MGAT4C: variants seen among roughly 807,000 people sequenced by gnomAD.
MGAT4C encodes the protein MGAT4 family member C.
In MGAT4C, 19 loss-of-function variants were observed where a neutral mutation model predicts 40.1. The ratio of observed to expected loss-of-function variants is 0.47; its 90% CI spans 0.33 to 0.70. MGAT4C has a LOEUF of 0.70. Ranked by LOEUF, MGAT4C falls within the 30% of genes least tolerant of loss-of-function variation. The pLI is 0.02. For synonymous variants in MGAT4C, 181 were observed against 187.1 expected, an observed-to-expected ratio of 0.97 and a Z score of 0.27; for missense variants, 491 against 563.2, an observed-to-expected ratio of 0.87 and a Z score of 1.30.
chr12:86,221,261 A>G (rs1950867085), intron 1 of MGAT4C, among the ~76,000 whole-genome samples: 1 of 152,106 alleles, frequency 6.6e-6, no homozygotes, highest in South Asian at 2.1e-4. Flanking sequence ...CCTGATAACT[A>G]TCGTAATAGT....
At chr12:86,551,733 A>C (rs370859467) in intron 2 of MGAT4C, among the ~76,000 whole-genome samples, 4 of 152,284 alleles carry the variant, frequency 2.6e-5, no homozygotes, top group South Asian at 2.1e-4. Context: ...CCAACCTGAG[A>C]AACAGCCTAA....
intron 1 of MGAT4C, among the ~76,000 whole-genome samples, chr12:86,060,371 T>C (rs1023559957): frequency 2.6e-5 from 4 of 152,224 alleles, no homozygotes; most frequent in Non-Finnish European, 5.9e-5. Context: ...AGGAAAAGAA[T>C]GGCTTCCACA....
chr12:86,819,949 C>CAA (rs1298720469), intron 1 of MGAT4C, among the ~76,000 whole-genome samples: 2 of 150,428 alleles, frequency 1.3e-5, no homozygotes, highest in African/African-American at 4.8e-5. Flanking sequence ...AGTAAACAAA[C>CAA]AAAAAACATT....
At chr12:86,325,904 T>C (rs1188356544) in intron 4 of MGAT4C, among the ~76,000 whole-genome samples, 2 of 152,084 alleles carry the variant, frequency 1.3e-5, no homozygotes, top group South Asian at 4.1e-4. Context: ...ATAATAATGC[T>C]TGACACAGGG....
intron 1 of MGAT4C, among the ~76,000 whole-genome samples, chr12:86,820,272 T>C (rs1481597411): frequency 6.6e-6 from 1 of 150,868 alleles, no homozygotes; most frequent in Non-Finnish European, 1.5e-5. Context: ...GGTTATTTCT[T>C]ACTTGTTGTA....
intron 1 of MGAT4C, among the ~76,000 whole-genome samples, chr12:86,766,076 T>C (rs904172749): frequency 2.4e-4 from 37 of 152,148 alleles, no homozygotes; most frequent in African/African-American, 8.9e-4. Flanking sequence ...GACTGGCAAA[T>C]TGGATAAAGA....
intron 1 of MGAT4C, among the ~76,000 whole-genome samples, chr12:86,243,955 G>T (rs1951907913): frequency 6.6e-6 from 1 of 152,180 alleles, no homozygotes; most frequent in Non-Finnish European, 1.5e-5. Context: ...GAAGAGTCCA[G>T]GAGGAGAAAA....
intron 2 of MGAT4C, among the ~76,000 whole-genome samples, chr12:86,679,617 A>G (rs938262716): frequency 1.3e-5 from 2 of 152,122 alleles, no homozygotes; most frequent in African/African-American, 4.8e-5. Flanking sequence ...TGATTAAGTC[A>G]TGAGCAGAGC....
At chr12:86,268,882 A>G (rs1952861813) in intron 4 of MGAT4C, among the ~76,000 whole-genome samples, 1 of 144,832 alleles carries the variant, frequency 6.9e-6, no homozygotes, top group Admixed American at 6.9e-5. Context: ...AAAATAAAAA[A>G]GAAAGGGTGT....
intron 2 of MGAT4C, among the ~76,000 whole-genome samples, chr12:86,484,929 G>A (rs1188369673): frequency 6.6e-6 from 1 of 152,072 alleles, no homozygotes; most frequent in East Asian, 1.9e-4. Context: ...CTGATTTAGA[G>A]GCTATCTTCT....
chr12:86,063,129 G>T (rs898419841), intron 1 of MGAT4C, among the ~76,000 whole-genome samples: 1 of 152,124 alleles, frequency 6.6e-6, no homozygotes, highest in Non-Finnish European at 1.5e-5. Flanking sequence ...CAGAGAGAAA[G>T]GTCGGGTTAC....
chr12:86,571,635 ATGTG>A (rs1055488992), intron 2 of MGAT4C, among the ~76,000 whole-genome samples: 2 of 152,058 alleles, frequency 1.3e-5, no homozygotes, highest in Admixed American at 6.6e-5. Context: ...GCACGTGCAT[ATGTG>A]TGTATTTATA....
intron 2 of MGAT4C, among the ~76,000 whole-genome samples, chr12:86,704,164 A>G (rs78086334): frequency 0.044 from 6,697 of 152,224 alleles, 206 homozygotes; most frequent in African/African-American, 0.092. Context: ...TTACTTTTTA[A>G]AGAATGTATG....
intron 1 of MGAT4C, among the ~76,000 whole-genome samples, chr12:86,061,510 G>T (rs994979306): frequency 2.7e-5 from 4 of 150,418 alleles, no homozygotes; most frequent in Non-Finnish European, 5.9e-5. Flanking sequence ...TGCCTGCAAC[G>T]CAAGCTAGAA....
intron 2 of MGAT4C, among the ~76,000 whole-genome samples, chr12:86,624,388 A>C (rs1962734914): frequency 6.6e-6 from 1 of 152,188 alleles, no homozygotes; most frequent in South Asian, 2.1e-4. Context: ...TTAAGGCAGA[A>C]TTGTAAACTG....
intron 2 of MGAT4C, among the ~76,000 whole-genome samples, chr12:86,550,296 T>G (rs1039278225): frequency 6.6e-6 from 1 of 152,184 alleles, no homozygotes; most frequent in Non-Finnish European, 1.5e-5. Context: ...AATGGACTAA[T>G]ACACAGAGGA....
At chr12:86,553,443 C>T (rs191222743) in intron 2 of MGAT4C, among the ~76,000 whole-genome samples, 1 of 122,768 alleles carries the variant, frequency 8.1e-6, no homozygotes, top group East Asian at 2.6e-4. Flanking sequence ...TAAGTTTACC[C>T]TAGACTTTTA....
chr12:86,544,521 T>C (rs1002834748), intron 2 of MGAT4C, among the ~76,000 whole-genome samples: 4 of 152,168 alleles, frequency 2.6e-5, no homozygotes, highest in Non-Finnish European at 5.9e-5. Flanking sequence ...CACTCCAACC[T>C]CAAAGGAATT....
chr12:86,587,741 T>C lies in MGAT4C; in HGVS notation c.-229+139468A>G, dbSNP rs180764354. Among the ~76,000 whole-genome samples, 835 of 151,436 alleles carry C rather than the reference T, an allele frequency of 5.5e-3. 2 individuals are homozygous for C. Among genetic ancestry groups the C allele is most frequent in the Non-Finnish European group, 8.7e-3 (589 of 67,764 alleles). On this transcript the variant is annotated intron_variant, in intron 2 of 7. Coordinates refer to the MGAT4C transcript ENST00000548651. ...AATGGGAGTTCACTCATGATTTGGC[T>C]CTCTGTTTGTCTCTTATTGGTGTAT...
Sources: gnomAD v4.1 joint callset for allele counts (sites outside exome capture counted in the v4.1 genomes callset) on GRCh38, gnomAD v4.1.1 for gene constraint, MANE v1.5 for transcripts, NCBI Gene and HGNC (gene_info 2026-07-23, HGNC 2026-07-21) for gene names.